The following ZNF395 variants were observed in gnomAD, a reference collection of about 807,000 sequenced individuals.
ZNF395 encodes HD gene regulatory region-binding protein 2.
A neutral mutation model predicts 57.7 loss-of-function variants in ZNF395; 20 were observed. The ratio of observed to expected loss-of-function variants is 0.35; its 90% CI spans 0.24 to 0.50. ZNF395 has a LOEUF of 0.50. Among genes scored for constraint, ZNF395 ranks in the 20% least tolerant of loss-of-function variants. The pLI, the probability that ZNF395 is intolerant of heterozygous loss-of-function variation, is 0.97. For missense variants in ZNF395, 606 were observed against 671.2 expected (o/e 0.90, Z 1.07); for synonymous variants, 295 against 275.9 (o/e 1.07, Z -0.69).
At chr8:28,349,983 C>G in intron 8 of ZNF395, 81 bp downstream of exon 8, 1 of 1,338,598 alleles carries the variant, frequency 7.5e-7, no homozygotes, top group Non-Finnish European at 9.9e-7. Context: ...GCCCCGTGCC[C>G]AAGGGATGGC....
intron 4 of ZNF395, among the ~76,000 whole-genome samples, chr8:28,353,828 C>T (rs991081759): frequency 6.6e-6 from 1 of 152,158 alleles, no homozygotes; most frequent in Admixed American, 6.5e-5. Context: ...CCTCTGCAGC[C>T]TCCAGGCCTG....
At chr8:28,355,703 G>A (rs1040790785) in intron 4 of ZNF395, among the ~76,000 whole-genome samples, 18 of 152,142 alleles carry the variant, frequency 1.2e-4, no homozygotes, top group Non-Finnish European at 1.9e-4. Context: ...ATTTGGCTGC[G>A]CTAATAGAGC....
chr8:28,353,176 T>C lies in ZNF395; in HGVS notation c.816A>G (p.Arg272=). 6.2e-7 allele frequency: 1 copy of C among 1,613,682 alleles called. No individual in the cohort carries two copies. Among genetic ancestry groups the C allele is most frequent in the South Asian group, 1.1e-5 (1 of 91,078 alleles). The change falls in exon 5 of 10, where the codon AGA becomes AGG. Residue 272 remains arginine (R), a synonymous_variant. Transcript: ENST00000344423. ...FLLDEPAPRK[R]KNSVKVMYKC... The stretch of plus-strand genomic sequence containing the variant: ...CACTCACACCACAATCACGTACCTT[T>C]CTTTTTCGTGGAGCTGGTTCGTCCA...
At position 28,360,968 on chromosome 8, in the gene ZNF395, G is replaced by A; in HGVS notation, c.157C>T (p.Pro53Ser). Residue 53 changes from proline to serine, a missense_variant, in exon 2 of 10, where the codon CCC becomes TCC. Coordinates refer to ENST00000344423, the MANE Select transcript of ZNF395 (RefSeq NM_018660.3). ...ACTTCCTTGGGCTGCTCCTGGCAGG[G>A]GGTGTCATCAGAGGTGGTGAAAGGC... ...PQPFTTSDDT[P>S]CQEQPKEVLK... 1 of 1,613,624 alleles carries A rather than the reference G, an allele frequency of 6.2e-7. No homozygotes were observed.
chr8:28,360,859 A>G (rs759810263), intron 2 of ZNF395, 26 bp downstream of exon 2: 2 of 1,610,974 alleles, frequency 1.2e-6, no homozygotes, highest in Non-Finnish European at 8.5e-7. Flanking sequence ...AAGACGGGAC[A>G]CCTGTCCATG....
chr8:28,365,442 T>C (rs565772687), intron 1 of ZNF395: 2 of 152,364 alleles, frequency 1.3e-5, no homozygotes, highest in African/African-American at 4.8e-5. Context: ...AGTTCTTTCT[T>C]GGGAGCTATC....
chr8:28,361,014 C>T lies in ZNF395; in HGVS notation c.111G>A (p.Leu37=). Residue 37 remains leucine, a synonymous_variant, in exon 2 of 10, where the codon CTG becomes CTA. Coordinates refer to ENST00000344423, the MANE Select transcript of ZNF395 (RefSeq NM_018660.3). ...AAGGCTGGGGAGCGGCCCCTTCTAG[C>T]AGTGGCTCCGAGGGTGGGGCAGCCG... is the stretch of plus-strand genomic sequence containing the variant. ...GPSAAPPSEP[L]LEGAAPQPFT... is the part of the protein sequence containing the mutation. The T allele has an allele frequency of 6.2e-7, 1 of 1,610,564 alleles. No individual in the cohort carries two copies.
chr8:28,367,790 C>G (rs1801928619), intron 1 of ZNF395, among the ~76,000 whole-genome samples: 2 of 152,180 alleles, frequency 1.3e-5, no homozygotes, highest in Non-Finnish European at 2.9e-5. Context: ...TGATCTTAAA[C>G]AGCTGATCTT....
Position 28,352,485 on chromosome 8 carries a change from CACTGTGG to C in ZNF395, c.920+81_920+87del, listed in dbSNP as rs1306183487. The C allele has an allele frequency of 1.7e-5, 20 of 1,179,148 alleles. No homozygotes were observed. The East Asian group carries it at 4.7e-4, about 28-fold the overall frequency. 73.0% of individuals were successfully genotyped at this position (1,179,148 alleles called of 1,614,324 possible). ...TCCCAGCAAGCCACGTTCCTGAAAGCACTGTGGGCTGTGGGTCACAGGGACTCGGCAG... is the reference window on the plus strand; with the variant it reads ...TCCCAGCAAGCCACGTTCCTGAAAGCGCTGTGGGTCACAGGGACTCGGCAG... On this transcript the variant is annotated intron_variant, in intron 6 of 9. Coordinates refer to ENST00000344423, the MANE Select transcript of ZNF395 (RefSeq NM_018660.3). The surrounding 1 kb of genome is among the most constrained non-coding windows in gnomAD (Gnocchi z 4.0).
Position 28,353,348 on chromosome 8 carries a change from C to T in ZNF395, c.644G>A (p.Ser215Asn). 1 of 1,600,240 alleles carries T rather than the reference C, an allele frequency of 6.2e-7. No homozygotes were observed. Among genetic ancestry groups the T allele is most frequent in the Non-Finnish European group, 8.5e-7 (1 of 1,172,948 alleles). ...ESGDISDSGSSTTSGHWSGSS... is the reference protein window; with the variant it reads ...ESGDISDSGSNTTSGHWSGSS... ...CCCACTCCAGTGACCGCTGGTAGTG[C>T]TGCTGCCGCTGTCCGAGATGTCACC... Residue 215 changes from serine (S) to asparagine (N), a missense_variant, in exon 5 of 10, where the codon AGC becomes AAC. Ser to Asn is a conservative substitution (Grantham distance 46). This residue lies in a region of ZNF395 where 309 missense variants were observed against 374.7 expected (regional missense o/e 0.82). Transcript: ENST00000344423.
Position 28,381,423 on chromosome 8 carries a change from T to A in ZNF395, c.-59+4970A>T, listed in dbSNP as rs571277297. On this transcript the variant is annotated intron_variant, in intron 1 of 9. Coordinates refer to ENST00000344423, the MANE Select transcript of ZNF395 (RefSeq NM_018660.3). Reference sequence around the variant, plus strand: ...GTCTCAAACTCCAGGGTCCAAGCAATCCTCTTGCCTCAGGCTCCCAAAGTG... The same window carrying A: ...GTCTCAAACTCCAGGGTCCAAGCAAACCTCTTGCCTCAGGCTCCCAAAGTG... Among the ~76,000 whole-genome samples the A allele has an allele frequency of 3.9e-5, 6 of 152,226 alleles. No homozygotes were observed. The East Asian group carries it at 1.2e-3, about 29-fold the overall frequency.
At chr8:28,379,904 G>T (rs1374609685) in intron 1 of ZNF395, among the ~76,000 whole-genome samples, 1 of 146,862 alleles carries the variant, frequency 6.8e-6, no homozygotes, top group African/African-American at 2.6e-5. Context: ...TTTGTATTTT[G>T]ATATACTATT....
chr8:28,353,076 T>C, intron 5 of ZNF395, 97 bp downstream of exon 5: 1 of 1,157,212 alleles, frequency 8.6e-7, no homozygotes, highest in Non-Finnish European at 1.3e-6. Flanking sequence ...CAAGACTATC[T>C]AGGGCCTGCA....
Position 28,353,362 on chromosome 8 carries a change from C to A in ZNF395, c.630G>T (p.Ser210=). ...CGCTGGTAGTGCTGCTGCCGCTGTC[C>A]GAGATGTCACCACTCTCCTTCCATG... The part of the protein sequence containing the change: ...CDPWKESGDI[S]DSGSSTTSGH... The change falls in exon 5 of 10, where the codon TCG becomes TCT. Residue 210 remains serine, a synonymous_variant. Coordinates refer to ENST00000344423, the MANE Select transcript of ZNF395 (RefSeq NM_018660.3). 1 of 1,591,866 alleles carries A rather than the reference C, an allele frequency of 6.3e-7. No homozygotes were observed. Among genetic ancestry groups the A allele is most frequent in the Non-Finnish European group, 8.6e-7 (1 of 1,168,290 alleles).
At position 28,356,776 on chromosome 8, in the gene ZNF395, C is replaced by A; in HGVS notation, c.477G>T (p.Lys159Asn). 6.2e-7 allele frequency: 1 copy of A among 1,613,802 alleles called. No individual in the cohort carries two copies. Among genetic ancestry groups the A allele is most frequent in the Non-Finnish European group, 8.5e-7 (1 of 1,179,770 alleles). ...TCTCATCCATTTCCACTGCGTCCGA[C>A]TTCCTGGATTCACACGGATGAGTGG... ...VSRNIDVPKRKSDAVEMDEMM... is the reference protein window; with the variant it reads ...VSRNIDVPKRNSDAVEMDEMM... Residue 159 changes from lysine to asparagine, a missense_variant, in exon 4 of 10, where the codon AAG (lysine) becomes AAT (asparagine). Coordinates refer to ENST00000344423, the MANE Select transcript of ZNF395 (RefSeq NM_018660.3). This position sits in a 1 kb window ranked among gnomAD's most constrained non-coding sequence, Gnocchi z 4.0.
chr8:28,352,521 G>T lies in ZNF395; in HGVS notation c.920+52C>A. 6.6e-7 allele frequency: 1 copy of T among 1,521,996 alleles called. No homozygotes were observed. The highest frequency in any genetic ancestry group is 1.7e-5 in the Admixed American group (1 of 59,638). 94.3% of individuals were successfully genotyped at this position (1,521,996 alleles called of 1,614,324 possible). A position where few individuals can be genotyped will look rare whatever the true frequency, so the allele number is the denominator to read the frequency against. ...GTGGGTCACAGGGACTCGGCAGGGT[G>T]GAGGGACACCCACACGCGACCCTAG... is the stretch of plus-strand genomic sequence containing the variant. On this transcript the variant is annotated intron_variant, in intron 6 of 9. Transcript: ENST00000344423. The surrounding 1 kb of genome is among the most constrained non-coding windows in gnomAD (Gnocchi z 4.0).
In ZNF395 at chr8:28,351,444, C is replaced by T. The variant is rs753258068; in HGVS notation, c.1233+51G>A. ...GTCGGTAGCCTGTAATCAAGCTGGC[C>T]CGTGATGAGTCAGCTATGAGCCTGA... On this transcript the variant is annotated intron_variant, in intron 7 of 9. Coordinates refer to ENST00000344423, the MANE Select transcript of ZNF395 (RefSeq NM_018660.3). 6.6e-6 allele frequency: 10 copies of T among 1,517,950 alleles called. No individual in the cohort carries two copies. The East Asian group carries it at 2.3e-4, about 35-fold the overall frequency. 94.0% of individuals were successfully genotyped at this position (1,517,950 alleles called of 1,614,324 possible).
rs1801841684 is a variant in ZNF395, at chr8:28,360,982, G to A, written c.143C>T (p.Thr48Ile). The A allele has an allele frequency of 6.2e-7, 1 of 1,612,998 alleles. No individual in the cohort carries two copies. The highest frequency in any genetic ancestry group is 8.5e-7 in the Non-Finnish European group (1 of 1,179,434). ...CTCCTGGCAGGGGGTGTCATCAGAG[G>A]TGGTGAAAGGCTGGGGAGCGGCCCC... ...LEGAAPQPFT[T>I]SDDTPCQEQP... Residue 48 changes from threonine to isoleucine, a missense_variant, in exon 2 of 10, where the codon ACC becomes ATC. Transcript: ENST00000344423.
intron 4 of ZNF395, among the ~76,000 whole-genome samples, chr8:28,355,528 C>T (rs780050594): frequency 6.6e-6 from 1 of 151,524 alleles, no homozygotes; most frequent in Non-Finnish European, 1.5e-5. Context: ...TTGATGTGCA[C>T]TTGTGTATGC....
Sources: gnomAD v4.1 joint callset for allele counts (sites outside exome capture counted in the v4.1 genomes callset) on GRCh38, gnomAD v4.1.1 for gene constraint, gnomAD v4.1.1 regional missense constraint, Gnocchi (gnomAD v3.1) non-coding constraint, MANE v1.5 for transcripts, NCBI Gene and HGNC (gene_info 2026-07-23, HGNC 2026-07-21) for gene names.